The following CXorf58 variants were observed in gnomAD, a reference collection of about 807,000 sequenced individuals.
CXorf58 encodes the protein chromosome X open reading frame 58.
CXorf58 carries 24 observed loss-of-function variants against 26.0 expected under a neutral mutation model. The ratio of observed to expected loss-of-function variants is 0.92; its 90% confidence interval spans 0.67 to 1.30. CXorf58 has a LOEUF of 1.30. CXorf58 is among the 50% of genes most tolerant of loss of function. The pLI, the probability that CXorf58 is intolerant of heterozygous loss-of-function variation, is 0.00. For synonymous variants in CXorf58, 87 were observed against 86.1 expected, an observed-to-expected ratio of 1.01 and a Z score of -0.06; for missense variants, 236 against 263.9, an observed-to-expected ratio of 0.89 and a Z score of 0.73.
chrX:23,923,784 C>G (rs1927931128), intron 5 of CXorf58, among the ~76,000 whole-genome samples: 1 of 112,005 alleles, frequency 8.9e-6, no homozygotes, highest in South Asian at 3.7e-4. Context: ...AACCCCATCT[C>G]TACTGAAAAT....
At chrX:23,910,701 A>T (rs1927552439) in intron 2 of CXorf58, among the ~76,000 whole-genome samples, 1 of 110,036 alleles carries the variant, frequency 9.1e-6, no homozygotes. Context: ...GTTATCAGCT[A>T]ATAAATGGCA....
At position 23,936,154 on chromosome X, in the gene CXorf58, G is replaced by C. The variant is rs1227084611; in HGVS notation, c.785+729G>C. ...CATCCAAGGCTGGAGTGGGGGTAGG[G>C]GAGGAGTAGGGTGGAGGGCAGTGAG... On this transcript the variant is annotated intron_variant, in intron 7 of 8. Transcript: ENST00000379211. Among the ~76,000 whole-genome samples, 4 of 110,582 alleles carry C rather than the reference G, an allele frequency of 3.6e-5. No homozygotes were observed. In the East Asian group the frequency reaches 8.6e-4, roughly 24 times the overall value.
At chrX:23,929,418 A>G (rs887734961) in intron 6 of CXorf58, among the ~76,000 whole-genome samples, 36 of 88,353 alleles carry the variant, frequency 4.1e-4, no homozygotes, top group Non-Finnish European at 1.6e-4. Context: ...AAAAAAAAAA[A>G]AAAAGAAAAA....
chrX:23,913,606 G>A (rs758854713), intron 3 of CXorf58, among the ~76,000 whole-genome samples: 34 of 112,019 alleles, frequency 3.0e-4, no homozygotes, highest in South Asian at 1.5e-3. Flanking sequence ...AGTAAAAGCA[G>A]AATACGGCTG....
At chrX:23,934,505 A>G (rs1186945790) in intron 6 of CXorf58, among the ~76,000 whole-genome samples, 1 of 111,291 alleles carries the variant, frequency 9.0e-6, no homozygotes, top group Non-Finnish European at 1.9e-5. Flanking sequence ...GGCTCAGGTG[A>G]TCCTCCTGCC....
At chrX:23,914,372 C>T (rs1385338354) in intron 3 of CXorf58, among the ~76,000 whole-genome samples, 2 of 111,639 alleles carry the variant, frequency 1.8e-5, no homozygotes, top group Admixed American at 9.5e-5. Flanking sequence ...AGGCGTGAGC[C>T]GCAGTGCCCA....
chrX:23,922,186 C>T (rs1163240063), intron 5 of CXorf58, among the ~76,000 whole-genome samples: 1 of 109,403 alleles, frequency 9.1e-6, no homozygotes, highest in African/African-American at 3.3e-5. Context: ...ACCAGCCTGG[C>T]CAACATGGTG....
chrX:23,933,139 G>GAA (rs113866210), intron 6 of CXorf58, among the ~76,000 whole-genome samples: 20 of 102,983 alleles, frequency 1.9e-4, no homozygotes, highest in African/African-American at 6.7e-4. Context: ...TCCAGAAAAG[G>GAA]AAAAAAAAAA....
rs746350773 is a variant in CXorf58 at position 23,911,953 on chromosome X, C to CTTTT, written c.216+110_216+113dup. ...GAATAGATAACCTTCTTTATCTCCT[C>CTTTT]TTTTTTTTTTTTTTTTGAGAGGGAG... On this transcript the variant is annotated intron_variant, in intron 3 of 8. Coordinates refer to ENST00000379211, the MANE Select transcript of CXorf58 (RefSeq NM_152761.3). 0.013 allele frequency: 5,602 copies of CTTTT among 443,172 alleles called. 438 individuals are homozygous for CTTTT. In the African/African-American group the frequency reaches 0.16, roughly 12 times the overall value. The allele number at this position is 443,172 out of a possible 1,213,427, so 36.5% of individuals were successfully genotyped here. A position where few individuals can be genotyped will look rare whatever the true frequency, so the allele number is the denominator to read the frequency against.
intron 1 of CXorf58, 40 bp downstream of exon 1, chrX:23,908,369 TACTTGTAGAAGTA>T (rs1203253726): frequency 8.9e-6 from 1 of 112,895 alleles, no homozygotes; most frequent in Non-Finnish European, 1.9e-5. Flanking sequence ...TGTCCCTTAA[TACTTGTAGAAGTA>T]ACTGATAATG....
intron 6 of CXorf58, among the ~76,000 whole-genome samples, chrX:23,929,780 G>A (rs1928112224): frequency 8.9e-6 from 1 of 112,574 alleles, no homozygotes; most frequent in South Asian, 3.7e-4. Flanking sequence ...AGCTAGAGAG[G>A]AGAAGTCAAT....
chrX:23,938,762 C>A, intron 8 of CXorf58, 62 bp downstream of exon 8: 1 of 816,270 alleles, frequency 1.2e-6, no homozygotes, highest in Non-Finnish European at 1.7e-6. Flanking sequence ...TGTAAAGTAG[C>A]TGTACTTACG....
At chrX:23,917,348 A>AG (rs1555968566) in intron 5 of CXorf58, among the ~76,000 whole-genome samples, 13 of 95,088 alleles carry the variant, frequency 1.4e-4, no homozygotes, top group Admixed American at 2.4e-4. Context: ...AAAAAAAAAA[A>AG]AAAGAAAGAA....
intron 5 of CXorf58, among the ~76,000 whole-genome samples, chrX:23,923,400 G>T (rs1046222166): frequency 2.4e-4 from 26 of 109,545 alleles, no homozygotes; most frequent in Middle Eastern, 4.7e-3. Context: ...TTTTGGGGAG[G>T]CTAAGGTGGG....
At chrX:23,915,632 G>A in intron 3 of CXorf58, 68 bp from the exon 4 acceptor site, 3 of 651,277 alleles carry the variant, frequency 4.6e-6, no homozygotes, top group Non-Finnish European at 7.4e-6. Flanking sequence ...CGTTGCCTCT[G>A]TTATAGTCCA....
chrX:23,910,461 A>G (rs765367846), intron 2 of CXorf58, 43 bp downstream of exon 2: 2 of 721,314 alleles, frequency 2.8e-6, no homozygotes, highest in Non-Finnish European at 4.4e-6. Flanking sequence ...CCACAACTGT[A>G]CAGTTTCCAA....
At chrX:23,937,588 G>A (rs1224359116) in intron 7 of CXorf58, among the ~76,000 whole-genome samples, 1 of 109,251 alleles carries the variant, frequency 9.2e-6, no homozygotes, top group African/African-American at 3.3e-5. Context: ...ACCACGCCTG[G>A]CTAATTTTGT....
intron 6 of CXorf58, among the ~76,000 whole-genome samples, chrX:23,928,482 C>T (rs755305495): frequency 3.6e-5 from 4 of 111,425 alleles, no homozygotes; most frequent in Non-Finnish European, 5.7e-5. Context: ...CACGCCTGGC[C>T]GATGTTGTGT....
At chrX:23,937,393 A>G (rs1347620273) in intron 7 of CXorf58, among the ~76,000 whole-genome samples, 1 of 108,223 alleles carries the variant, frequency 9.2e-6, no homozygotes. Context: ...TCCCCTGCAC[A>G]TGGGCTTGCT....
Sources: gnomAD v4.1 joint callset for allele counts (sites outside exome capture counted in the v4.1 genomes callset) on GRCh38, gnomAD v4.1.1 for gene constraint, MANE v1.5 for transcripts, NCBI Gene and HGNC (gene_info 2026-07-23, HGNC 2026-07-21) for gene names.